MEI1: variants seen among roughly 807,000 people sequenced by gnomAD.
MEI1 encodes meiosis inhibitor protein 1.
Under a neutral mutation model 146.2 loss-of-function variants are expected in MEI1, and 103 were observed. That is an observed-to-expected ratio of 0.70 (90% confidence interval 0.60 to 0.83). The LOEUF is 0.83. Among genes scored for constraint, MEI1 ranks in the 40% least tolerant of loss-of-function variants. The pLI is 0.00. For synonymous variants in MEI1, 652 were observed against 628.2 expected, an observed-to-expected ratio of 1.04 and a Z score of -0.57; for missense variants, 1,529 against 1,533.0, an observed-to-expected ratio of 1.00 and a Z score of 0.04.
chr22:41,717,718 C>A (rs377257617), intron 5 of MEI1, among the ~76,000 whole-genome samples: 1 of 149,954 alleles, frequency 6.7e-6, no homozygotes, highest in Admixed American at 6.7e-5. Context: ...TGGGTTTCAG[C>A]GATTCTCCTG....
intron 19 of MEI1, among the ~76,000 whole-genome samples, chr22:41,763,731 C>G (rs966825277): frequency 6.6e-6 from 1 of 151,216 alleles, no homozygotes; most frequent in Non-Finnish European, 1.5e-5. Context: ...CAAGACCAGC[C>G]TGGGCAACAT....
chr22:41,740,364 C>T (rs2072757582), intron 11 of MEI1, among the ~76,000 whole-genome samples: 1 of 151,822 alleles, frequency 6.6e-6, no homozygotes, highest in Non-Finnish European at 1.5e-5. Context: ...TGTTTACTGA[C>T]GTGGTCCCTC....
In MEI1 at chr22:41,794,493, A is replaced by G; in HGVS notation, c.3534+16A>G. 2 of 1,605,016 alleles carry G rather than the reference A, an allele frequency of 1.2e-6. No homozygotes were observed. Among genetic ancestry groups the G allele is most frequent in the Non-Finnish European group, 1.7e-6 (2 of 1,171,798 alleles). On this transcript the variant is annotated intron_variant, in intron 28 of 30. Transcript: ENST00000401548. Reference sequence around the variant, plus strand: ...CATGACCCTGGTAAGTGCAGAAAGGATATCTTGTGGTCTGAGGAGTGTCAT... The same window carrying G: ...CATGACCCTGGTAAGTGCAGAAAGGGTATCTTGTGGTCTGAGGAGTGTCAT...
intron 14 of MEI1, 168 bp downstream of exon 14, chr22:41,746,194 T>G (rs568563517): frequency 1.9e-6 from 1 of 528,494 alleles, no homozygotes; most frequent in Non-Finnish European, 3.1e-6. Flanking sequence ...TAAAATGTAG[T>G]GTTTGATTAT....
Position 41,776,255 on chromosome 22 carries a change from TC to T in MEI1, c.2702del (p.Pro901HisfsTer12). On this transcript the variant is annotated frameshift_variant, in exon 21 of 31. Coordinates refer to ENST00000401548, the MANE Select transcript of MEI1 (RefSeq NM_152513.4). LOFTEE classifies it high-confidence loss of function. ...LQRLLVEHGA[S>X]PSGASGNLPL... Reference sequence around the variant, plus strand: ...GCGTCTGCTAGTGGAGCATGGGGCATCCCCATCAGGAGGTCAGTCTGCAGGT... The same window carrying T: ...GCGTCTGCTAGTGGAGCATGGGGCATCCCATCAGGAGGTCAGTCTGCAGGT... The T allele has an allele frequency of 6.2e-7, 1 of 1,613,586 alleles. No homozygotes were observed. Among genetic ancestry groups the T allele is most frequent in the Non-Finnish European group, 8.5e-7 (1 of 1,179,820 alleles).
chr22:41,714,854 C>G (rs557925667), intron 4 of MEI1, among the ~76,000 whole-genome samples: 1 of 152,006 alleles, frequency 6.6e-6, no homozygotes, highest in South Asian at 2.1e-4. Context: ...GCACCCCAGC[C>G]TGGGTGACAA....
chr22:41,751,544 C>T (rs2073749706), intron 15 of MEI1, among the ~76,000 whole-genome samples: 1 of 152,054 alleles, frequency 6.6e-6, no homozygotes, highest in Non-Finnish European at 1.5e-5. Context: ...CTTTGGGAGG[C>T]CAAGGTGGGC....
chr22:41,716,079 C>T lies in MEI1; in HGVS notation c.462C>T (p.Thr154=), dbSNP rs1269924200. Residue 154 remains threonine (T), a synonymous_variant, in exon 5 of 31, where the codon ACC becomes ACT. Coordinates refer to ENST00000401548, the MANE Select transcript of MEI1 (RefSeq NM_152513.4). ...NMPSMRGSLA[T]LTLLGKLVDA... is the part of the protein sequence containing the mutation. ...CCTCCATGCGAGGCAGCCTGGCCAC[C>T]CTGACCCTTCTTGGCAAGTTGGTGG... The T allele has an allele frequency of 6.2e-7, 1 of 1,611,970 alleles. No homozygotes were observed. Among genetic ancestry groups the T allele is most frequent in the Non-Finnish European group, 8.5e-7 (1 of 1,179,124 alleles).
At chr22:41,742,501 G>A (rs1437652707) in intron 11 of MEI1, among the ~76,000 whole-genome samples, 1 of 152,162 alleles carries the variant, frequency 6.6e-6, no homozygotes, top group Non-Finnish European at 1.5e-5. Flanking sequence ...TACGTATTAA[G>A]CATCATGCTA....
At chr22:41,755,226 A>G (rs1391944612) in intron 17 of MEI1, among the ~76,000 whole-genome samples, 1 of 152,208 alleles carries the variant, frequency 6.6e-6, no homozygotes, top group African/African-American at 2.4e-5. Context: ...TAATTGTTTC[A>G]TCATTCATTC....
chr22:41,768,269 C>A (rs1332611794), intron 19 of MEI1, among the ~76,000 whole-genome samples: 3 of 151,972 alleles, frequency 2.0e-5, no homozygotes, highest in Non-Finnish European at 4.4e-5. Flanking sequence ...GTAGTCCCAG[C>A]TACTCGGGAG....
rs1176681092 is a variant in MEI1 at position 41,732,602 on chromosome 22, A to C, written c.1330A>C (p.Arg444=). 12 of 1,612,272 alleles carry C rather than the reference A, an allele frequency of 7.4e-6. No individual in the cohort carries two copies. The highest frequency in any genetic ancestry group is 1.0e-5 in the Non-Finnish European group (12 of 1,179,390). ...EALKATSAFL[R]KDHQSTPPVQ... ...CTTGAAGGCCACTTCTGCTTTTCTG[A>C]GGTGAGAGACCCAGGCAGGCTGAAC... Residue 444 remains arginine, a splice_region_variant and synonymous_variant, in exon 11 of 31, where the codon AGG becomes CGG. Transcript: ENST00000401548.
chr22:41,784,336 C>G lies in MEI1; in HGVS notation c.3088-3C>G, dbSNP rs1231415983. 2 of 1,613,532 alleles carry G rather than the reference C, an allele frequency of 1.2e-6. No individual in the cohort carries two copies. The highest frequency in any genetic ancestry group is 8.5e-7 in the Non-Finnish European group (1 of 1,179,772). On this transcript the variant is annotated splice_polypyrimidine_tract_variant and splice_region_variant and intron_variant, in intron 24 of 30. Transcript: ENST00000401548. ...GTTAGCCCTTTACCCTGTGCCCTGC[C>G]AGGTTCACCAGACACTCTCTGTGGA...
Position 41,746,009 on chromosome 22 carries a change from T to C in MEI1, c.1663T>C (p.Cys555Arg). ...TCTTCTCAGTGCCTGTGACTCGCTG[T>C]GTATCCCCATGGTGATGGTGGGTTC... ...EFLLSACDSLCIPMVMRHLEQ... is the reference protein window; with the variant it reads ...EFLLSACDSLRIPMVMRHLEQ... Residue 555 changes from cysteine to arginine, a missense_variant, in exon 14 of 31, where the codon TGT becomes CGT. This residue lies in a region of MEI1 where 1,212 missense variants were observed against 1,178.9 expected (regional missense o/e 1.03). Coordinates refer to ENST00000401548, the MANE Select transcript of MEI1 (RefSeq NM_152513.4). 11 of 1,604,566 alleles carry C rather than the reference T, an allele frequency of 6.9e-6. No homozygotes were observed. Among genetic ancestry groups the C allele is most frequent in the Non-Finnish European group, 8.5e-6 (10 of 1,175,222 alleles).
At chr22:41,785,120 A>G (rs1439270413) in intron 26 of MEI1, among the ~76,000 whole-genome samples, 1 of 150,260 alleles carries the variant, frequency 6.7e-6, no homozygotes. Flanking sequence ...TATTTTTAGT[A>G]GAGACGGGGT....
chr22:41,718,875 T>C (rs2070458176), intron 6 of MEI1, among the ~76,000 whole-genome samples: 1 of 151,888 alleles, frequency 6.6e-6, no homozygotes, highest in African/African-American at 2.4e-5. Context: ...CTTTTTTTTC[T>C]TTTTTCTTTT....
rs767135020 is a variant in MEI1 at position 41,770,879 on chromosome 22, C to T, written c.2462C>T (p.Ala821Val). 2 of 1,613,914 alleles carry T rather than the reference C, an allele frequency of 1.2e-6. No individual in the cohort carries two copies. Among genetic ancestry groups the T allele is most frequent in the Admixed American group, 1.7e-5 (1 of 59,992 alleles). The change falls in exon 20 of 31, where the codon GCT becomes GTT. Residue 821 changes from alanine to valine, a missense_variant. Ala to Val is a moderately conservative substitution (Grantham distance 64). Transcript: ENST00000401548. ...SYEELDDVTS[A>V]GQPALPASLV... ...GAGGAACTGGATGATGTCACCTCTG[C>T]TGGGCAGCCCGCCCTTCCTGCCAGC... is the stretch of plus-strand genomic sequence containing the variant.
At chr22:41,712,718 ATATT>A (rs2069706203) in intron 3 of MEI1, among the ~76,000 whole-genome samples, 1 of 149,072 alleles carries the variant, frequency 6.7e-6, no homozygotes, top group African/African-American at 2.5e-5. Flanking sequence ...ATATATATAT[ATATT>A]CACATTAAAC....
chr22:41,721,609 T>A (rs1601734382), intron 6 of MEI1, among the ~76,000 whole-genome samples: 1 of 151,646 alleles, frequency 6.6e-6, no homozygotes, highest in Non-Finnish European at 1.5e-5. Flanking sequence ...CCCAGGCTGG[T>A]CTTGAACTGC....
Sources: allele counts gnomAD v4.1 joint callset (sites outside exome capture counted in the v4.1 genomes callset), GRCh38; gene constraint gnomAD v4.1.1; regional missense constraint gnomAD v4.1.1; transcripts MANE v1.5; gene names NCBI Gene and HGNC (gene_info 2026-07-23, HGNC 2026-07-21).